The following GON7 variants were observed in gnomAD, a reference collection of about 807,000 sequenced individuals.
GON7 encodes GON7 subunit of KEOPS complex.
A neutral mutation model predicts 7.6 loss-of-function variants in GON7; 2 were observed. The ratio of observed to expected loss-of-function variants is 0.26; its 90% CI spans 0.11 to 0.83. The LOEUF (loss-of-function observed/expected upper bound fraction) is 0.83. GON7 is among the 40% of genes least tolerant of loss of function. GON7 has a pLI of 0.65. For missense variants in GON7, 121 were observed against 132.2 expected (o/e 0.92, Z 0.42); for synonymous variants, 54 against 56.6 (o/e 0.95, Z 0.20).
At chr14:93,204,992 C>T (rs1007279356) in intron 1 of GON7, among the ~76,000 whole-genome samples, 1 of 152,134 alleles carries the variant, frequency 6.6e-6, no homozygotes, top group East Asian at 1.9e-4. Flanking sequence ...GTTGTTTCCA[C>T]GTTTTAGCTA....
chr14:93,203,827 G>T, intron 1 of GON7, 45 bp from the exon 2 acceptor site: 1 of 1,460,468 alleles, frequency 6.8e-7, no homozygotes, highest in Non-Finnish European at 9.5e-7. Context: ...TTCTATGGCT[G>T]AAAGAAATAT....
At chr14:93,205,913 C>G (rs1894332238) in intron 1 of GON7, among the ~76,000 whole-genome samples, 1 of 152,182 alleles carries the variant, frequency 6.6e-6, no homozygotes, top group Admixed American at 6.5e-5. Context: ...CCTTTTTATT[C>G]AACACCCAGC....
At chr14:93,205,287 AG>A (rs1283876511) in intron 1 of GON7, among the ~76,000 whole-genome samples, 1 of 152,226 alleles carries the variant, frequency 6.6e-6, no homozygotes, top group Non-Finnish European at 1.5e-5. Flanking sequence ...CCAAGATGGA[AG>A]GAAAGTACAG....
At chr14:93,206,750 T>G in intron 1 of GON7, 80 bp downstream of exon 1, 1 of 1,412,314 alleles carries the variant, frequency 7.1e-7, no homozygotes, top group Non-Finnish European at 9.5e-7. Flanking sequence ...AGTCTGCCAC[T>G]CTACACGGGC....
chr14:93,204,571 C>T (rs1894307161), intron 1 of GON7, among the ~76,000 whole-genome samples: 1 of 152,152 alleles, frequency 6.6e-6, no homozygotes, highest in Admixed American at 6.6e-5. Context: ...TACAGGTGCC[C>T]ACCACTGCAC....
In GON7 at chr14:93,203,757, A is replaced by G; in HGVS notation, c.234T>C (p.Asp78=). ...TAGTTCTGTTATCAATGTTATTTTC[A>G]TCTTCTGCATCATCTTCATCATCAC... The part of the protein sequence containing the change: ...LDGDDEDDAE[D]ENNIDNRTNF... Residue 78 remains aspartate (D), a synonymous_variant, in exon 2 of 2, where the codon GAT becomes GAC. Coordinates refer to ENST00000306954, the MANE Select transcript of GON7 (RefSeq NM_032490.5). 1 of 1,613,756 alleles carries G rather than the reference A, an allele frequency of 6.2e-7. No homozygotes were observed. The highest frequency in any genetic ancestry group is 8.5e-7 in the Non-Finnish European group (1 of 1,179,854).
At chr14:93,203,851 G>A in intron 1 of GON7, 69 bp from the exon 2 acceptor site, 2 of 1,149,640 alleles carry the variant, frequency 1.7e-6, no homozygotes, top group Non-Finnish European at 2.5e-6. Context: ...TAGCTAAAGT[G>A]GTTGATAATG....
rs1242467608 is a variant in GON7 at position 93,207,019 on chromosome 14, A to G, written c.19T>C (p.Tyr7His). The G allele has an allele frequency of 6.2e-7, 1 of 1,613,088 alleles. No individual in the cohort carries two copies. The highest frequency in any genetic ancestry group is 1.7e-5 in the Admixed American group (1 of 60,012). Residue 7 changes from tyrosine to histidine, a missense_variant, in exon 1 of 2, where the codon TAC (tyrosine) becomes CAC (histidine). Coordinates refer to ENST00000306954, the MANE Select transcript of GON7 (RefSeq NM_032490.5). Reference protein sequence around the residue: MELLGEYVGQEGKPQKL... With the variant: MELLGEHVGQEGKPQKL... ...TGCGGCTTCCCTTCCTGCCCGACGT[A>G]CTCTCCCAGCAGCTCCATGGTGACC... is the stretch of plus-strand genomic sequence containing the variant.
At chr14:93,206,797 C>G in intron 1 of GON7, 33 bp downstream of exon 1, 1 of 1,586,472 alleles carries the variant, frequency 6.3e-7, no homozygotes, top group Non-Finnish European at 8.6e-7. Flanking sequence ...CCGCCCCGTC[C>G]TCCGGTCACT....
In GON7 at chr14:93,203,451, A is replaced by T; in HGVS notation, c.*237T>A. ...GCCAACTTAGAGGATTTTATACATT[A>T]TGAAGTGTTCTATTTTCCTTCCAGG... is the stretch of plus-strand genomic sequence containing the variant. On this transcript the variant is annotated 3_prime_UTR_variant, in exon 2 of 2. Coordinates refer to ENST00000306954, the MANE Select transcript of GON7 (RefSeq NM_032490.5). 1 of 479,680 alleles carries T rather than the reference A, an allele frequency of 2.1e-6. No homozygotes were observed. Among genetic ancestry groups the T allele is most frequent in the East Asian group, 3.1e-5 (1 of 32,120 alleles). The allele number at this position is 479,680 out of a possible 1,614,324, so 29.7% of individuals were successfully genotyped here.
At chr14:93,206,054 A>G (rs1342058020) in intron 1 of GON7, among the ~76,000 whole-genome samples, 1 of 151,902 alleles carries the variant, frequency 6.6e-6, no homozygotes, top group African/African-American at 2.4e-5. Flanking sequence ...CGCCCACGAT[A>G]GAGTGCAGTG....
chr14:93,206,748 A>G, intron 1 of GON7, 82 bp downstream of exon 1: 1 of 1,383,970 alleles, frequency 7.2e-7, no homozygotes, highest in Non-Finnish European at 9.7e-7. Context: ...CAAGTCTGCC[A>G]CTCTACACGG....
intron 1 of GON7, among the ~76,000 whole-genome samples, chr14:93,204,959 C>T (rs1257771025): frequency 6.6e-6 from 1 of 152,162 alleles, no homozygotes; most frequent in Non-Finnish European, 1.5e-5. Flanking sequence ...CTCCTAAAGG[C>T]GCAACACCAA....
intron 1 of GON7, among the ~76,000 whole-genome samples, chr14:93,204,124 T>C (rs912304626): frequency 3.9e-5 from 6 of 152,170 alleles, no homozygotes; most frequent in African/African-American, 1.4e-4. Context: ...GCCTCCCAAG[T>C]AGCTGGGATT....
In GON7 at chr14:93,204,905, G is replaced by T. The variant is rs535021776; in HGVS notation, c.209-1123C>A. On this transcript the variant is annotated intron_variant, in intron 1 of 1. Transcript: ENST00000306954. ...AGGCTGGAGTGCAGTGGAGCAATCAGCCCACTGCAGCTTCAAACTCTTGGG... is the reference window on the plus strand; with the variant it reads ...AGGCTGGAGTGCAGTGGAGCAATCATCCCACTGCAGCTTCAAACTCTTGGG... Among the ~76,000 whole-genome samples the T allele has an allele frequency of 5.3e-5, 8 of 152,268 alleles. 1 individual carries two copies. Among genetic ancestry groups the T allele is most frequent in the Admixed American group, 5.2e-4 (8 of 15,284 alleles).
chr14:93,203,681 G>T lies in GON7; in HGVS notation c.*7C>A, dbSNP rs372149848. The T allele has an allele frequency of 7.5e-6, 12 of 1,610,646 alleles. No homozygotes were observed. Among genetic ancestry groups the T allele is most frequent in the Non-Finnish European group, 1.0e-5 (12 of 1,177,084 alleles). ...CAGCCATCTTTTAAATGTCATGAAG[G>T]CTATTGTTAAGACGGTGTTTTTGGC... On this transcript the variant is annotated 3_prime_UTR_variant, in exon 2 of 2. Transcript: ENST00000306954.
chr14:93,203,400 T>A lies in GON7; in HGVS notation c.*288A>T. The A allele has an allele frequency of 3.0e-6, 1 of 337,246 alleles. No individual in the cohort carries two copies. Among genetic ancestry groups the A allele is most frequent in the Non-Finnish European group, 5.4e-6 (1 of 185,702 alleles). The allele number at this position is 337,246 out of a possible 1,614,324, so 20.9% of individuals were successfully genotyped here. On this transcript the variant is annotated 3_prime_UTR_variant, in exon 2 of 2. Transcript: ENST00000306954. ...CACAAATCAATGATTATTTTAAAAA[T>A]AGAAAACAATGATAAAAATTCAGTT...
At position 93,203,397 on chromosome 14, in the gene GON7, A is replaced by C. The variant is rs528252356; in HGVS notation, c.*291T>G. The C allele has an allele frequency of 2.4e-5, 8 of 330,850 alleles. No homozygotes were observed. Among genetic ancestry groups the C allele is most frequent in the African/African-American group, 1.5e-4 (7 of 48,068 alleles). 20.5% of individuals were successfully genotyped at this position (330,850 alleles called of 1,614,324 possible). A position where few individuals can be genotyped will look rare whatever the true frequency, so the allele number is the denominator to read the frequency against. On this transcript the variant is annotated 3_prime_UTR_variant, in exon 2 of 2. Transcript: ENST00000306954. ...TCACACAAATCAATGATTATTTTAA[A>C]AATAGAAAACAATGATAAAAATTCA...
intron 1 of GON7, among the ~76,000 whole-genome samples, chr14:93,204,245 C>T (rs1225095508): frequency 2.6e-5 from 4 of 152,208 alleles, no homozygotes; most frequent in Admixed American, 6.5e-5. Context: ...CCGCCCGCCT[C>T]GGCCTCCCAA....
Sources: allele counts gnomAD v4.1 joint callset (sites outside exome capture counted in the v4.1 genomes callset), GRCh38; gene constraint gnomAD v4.1.1; transcripts MANE v1.5; gene names NCBI Gene and HGNC (gene_info 2026-07-23, HGNC 2026-07-21).